Variants in TPGS1 observed in about 807,000 individuals in gnomAD.
TPGS1 encodes the protein tubulin polyglutamylase complex subunit 1.
In TPGS1, 18 loss-of-function variants were observed where a neutral mutation model predicts 11.9. The observed-to-expected ratio is 1.51, with a 90% CI of 1.04 to 2.24. The LOEUF (loss-of-function observed/expected upper bound fraction) is 2.24, where lower values mean the gene tolerates loss of function less well. TPGS1 is among the 30% of genes most tolerant of loss of function. The pLI is 0.00. For missense variants in TPGS1, 500 were observed against 443.0 expected, an observed-to-expected ratio of 1.13 and a Z score of -1.16; for synonymous variants, 247 against 218.2, an observed-to-expected ratio of 1.13 and a Z score of -1.16.
intron 1 of TPGS1, among the ~76,000 whole-genome samples, chr19:512,754 T>TC (rs912004362): frequency 2.6e-5 from 4 of 152,076 alleles, no homozygotes; most frequent in Non-Finnish European, 5.9e-5. Flanking sequence ...TGCCGTCCCT[T>TC]CCCCCTGCAC....
chr19:507,756 G>T lies in TPGS1; in HGVS notation c.250G>T (p.Ala84Ser). 1 of 1,396,396 alleles carries T rather than the reference G, an allele frequency of 7.2e-7. No individual in the cohort carries two copies. 86.5% of individuals were successfully genotyped at this position (1,396,396 alleles called of 1,614,324 possible). The change falls in exon 1 of 2, where the codon GCC (alanine) becomes TCC (serine). Residue 84 changes from alanine (A) to serine (S), a missense_variant. By Grantham distance (99) the Ala-to-Ser change is moderately conservative. Transcript: ENST00000359315. ...CCTGCGCTCGCCTGTAAACGGCGGC[G>T]CCGGGGAGCCCCCGGGCCAGCTCCT... ...MGLRSPVNGGAGEPPGQLLLQ... is the reference protein window; with the variant it reads ...MGLRSPVNGGSGEPPGQLLLQ...
At chr19:509,702 G>C (rs1370570060) in intron 1 of TPGS1, 2 of 152,342 alleles carry the variant, frequency 1.3e-5, no homozygotes, top group Non-Finnish European at 2.9e-5. Context: ...CCCTACTCCA[G>C]TGTGACCTCA....
At chr19:516,026 C>T (rs1262211743) in intron 1 of TPGS1, among the ~76,000 whole-genome samples, 4 of 139,276 alleles carry the variant, frequency 2.9e-5, no homozygotes, top group Admixed American at 2.2e-4. Flanking sequence ...AGCGAGACTC[C>T]GTCTCAAAAA....
At chr19:513,090 G>A (rs542535807) in intron 1 of TPGS1, among the ~76,000 whole-genome samples, 1 of 152,300 alleles carries the variant, frequency 6.6e-6, no homozygotes, top group Non-Finnish European at 1.5e-5. Flanking sequence ...TGTTGGTTTT[G>A]GGCCTCTAGG....
At chr19:510,767 GC>G (rs959810595) in intron 1 of TPGS1, among the ~76,000 whole-genome samples, 4 of 152,320 alleles carry the variant, frequency 2.6e-5, no homozygotes, top group African/African-American at 7.2e-5. Context: ...GGGCTGCACT[GC>G]CCCCTGCAGG....
intron 1 of TPGS1, among the ~76,000 whole-genome samples, chr19:512,896 G>A (rs1387719121): frequency 2.0e-5 from 3 of 152,204 alleles, no homozygotes; most frequent in Non-Finnish European, 4.4e-5. Flanking sequence ...CGGTGGGGTC[G>A]CTCGCGCAGC....
chr19:513,662 T>TGC (rs1978867913), intron 1 of TPGS1, among the ~76,000 whole-genome samples: 2 of 35,980 alleles, frequency 5.6e-5, no homozygotes, highest in South Asian at 1.1e-3. Flanking sequence ...ACCTACTGCA[T>TGC]ACTGGCCCTG....
chr19:519,538 CGGA>C lies in TPGS1; in HGVS notation c.*121_*123del. 3.1e-6 allele frequency: 3 copies of C among 979,876 alleles called. No homozygotes were observed. The highest frequency in any genetic ancestry group is 3.8e-6 in the Non-Finnish European group (3 of 780,344). 60.7% of individuals were successfully genotyped at this position (979,876 alleles called of 1,614,324 possible). A position where few individuals can be genotyped will look rare whatever the true frequency, so the allele number is the denominator to read the frequency against. ...TGCCATAACCAGGCGCCCAGCCCTGCGGAGGAGGCCGGGGCTCCCAGGAAGCGG... is the reference window on the plus strand; with the variant it reads ...TGCCATAACCAGGCGCCCAGCCCTGCGGAGGCCGGGGCTCCCAGGAAGCGG... On this transcript the variant is annotated 3_prime_UTR_variant, in exon 2 of 2. Transcript: ENST00000359315.
At chr19:514,212 C>A (rs116450840) in intron 1 of TPGS1, among the ~76,000 whole-genome samples, 2,550 of 146,564 alleles carry the variant, frequency 0.017, 67 homozygotes, top group African/African-American at 0.06. Flanking sequence ...GCATTTACTT[C>A]ACTCCCACTG....
Position 519,220 on chromosome 19 carries a change from A to G in TPGS1, c.670A>G (p.Thr224Ala). The G allele has an allele frequency of 2.2e-6, 3 of 1,382,690 alleles. No individual in the cohort carries two copies. Among genetic ancestry groups the G allele is most frequent in the Non-Finnish European group, 2.8e-6 (3 of 1,075,622 alleles). 85.7% of individuals were successfully genotyped at this position (1,382,690 alleles called of 1,614,324 possible). Reference sequence around the variant, plus strand: ...CCGCGTGGGCCAGGCCGTGCTGGACACCCTGGAGGGCGCGCTGCAGGCCAG... The same window carrying G: ...CCGCGTGGGCCAGGCCGTGCTGGACGCCCTGGAGGGCGCGCTGCAGGCCAG... ...DRRVGQAVLD[T>A]LEGALQASDA... Residue 224 changes from threonine (T) to alanine (A), a missense_variant, in exon 2 of 2, where the codon ACC (threonine) becomes GCC (alanine). By Grantham distance (58) the Thr-to-Ala change is moderately conservative. Transcript: ENST00000359315.
chr19:516,727 T>G (rs1263122521), intron 1 of TPGS1, among the ~76,000 whole-genome samples: 3 of 152,148 alleles, frequency 2.0e-5, no homozygotes, highest in African/African-American at 7.2e-5. Context: ...CAACCTAAAC[T>G]TATCGGTTTT....
At chr19:514,937 C>T (rs1405807747) in intron 1 of TPGS1, among the ~76,000 whole-genome samples, 1 of 152,212 alleles carries the variant, frequency 6.6e-6, no homozygotes, top group Non-Finnish European at 1.5e-5. Context: ...TACCAGCACA[C>T]GAGTGGCACG....
chr19:511,353 G>A (rs958263666), intron 1 of TPGS1, among the ~76,000 whole-genome samples: 32 of 152,378 alleles, frequency 2.1e-4, no homozygotes, highest in African/African-American at 7.5e-4. Flanking sequence ...GTCTCCTGCC[G>A]TCATCATGGC....
At chr19:507,920 C>T (rs1260298632) in intron 1 of TPGS1, 76 bp downstream of exon 1, 1 of 1,163,928 alleles carries the variant, frequency 8.6e-7, no homozygotes, top group Non-Finnish European at 1.1e-6. Flanking sequence ...CGGCTCCCTA[C>T]CCGCAGCGCC....
Position 519,490 on chromosome 19 carries a change from T to A in TPGS1, c.*67T>A. 1 of 1,155,344 alleles carries A rather than the reference T, an allele frequency of 8.7e-7. No homozygotes were observed. The highest frequency in any genetic ancestry group is 1.1e-6 in the Non-Finnish European group (1 of 935,038). 71.6% of individuals were successfully genotyped at this position (1,155,344 alleles called of 1,614,324 possible). A position where few individuals can be genotyped will look rare whatever the true frequency, so the allele number is the denominator to read the frequency against. On this transcript the variant is annotated 3_prime_UTR_variant, in exon 2 of 2. Coordinates refer to ENST00000359315, the MANE Select transcript of TPGS1 (RefSeq NM_033513.3). ...CCCCGCGTGCGGGGCGCGCGGAGCC[T>A]TCCCTTCGCCCTGGTGAGGCCCTGC...
chr19:511,513 A>G (rs1485803998), intron 1 of TPGS1, among the ~76,000 whole-genome samples: 2 of 152,250 alleles, frequency 1.3e-5, no homozygotes, highest in Admixed American at 6.5e-5. Context: ...ACCTGGCTCC[A>G]GCCCCGTTCT....
chr19:519,376 G>A lies in TPGS1; in HGVS notation c.826G>A (p.Glu276Lys). Residue 276 changes from glutamate (E) to lysine (K), a missense_variant, in exon 2 of 2, where the codon GAG becomes AAG. Coordinates refer to ENST00000359315, the MANE Select transcript of TPGS1 (RefSeq NM_033513.3). ...SAPMTREEFL[E>K]RAAALFIAKV... is the part of the protein sequence containing the mutation. ...GCCCATGACCCGCGAGGAGTTTCTG[G>A]AGAGGGCCGCCGCGCTCTTCATCGC... 1.6e-6 allele frequency: 2 copies of A among 1,222,054 alleles called. No homozygotes were observed. 75.7% of individuals were successfully genotyped at this position (1,222,054 alleles called of 1,614,324 possible).
At chr19:515,095 G>A (rs960243761) in intron 1 of TPGS1, among the ~76,000 whole-genome samples, 1 of 152,230 alleles carries the variant, frequency 6.6e-6, no homozygotes, top group Admixed American at 6.5e-5. Context: ...CAGCTCTACG[G>A]TTCTGGTCGG....
chr19:515,662 C>G (rs577898619), intron 1 of TPGS1, among the ~76,000 whole-genome samples: 1 of 151,946 alleles, frequency 6.6e-6, no homozygotes, highest in Non-Finnish European at 1.5e-5. Context: ...CGCTTGAACC[C>G]GGGAGGTGGA....
Sources: gnomAD v4.1 joint callset for allele counts (sites outside exome capture counted in the v4.1 genomes callset) on GRCh38, gnomAD v4.1.1 for gene constraint, MANE v1.5 for transcripts, NCBI Gene and HGNC (gene_info 2026-07-23, HGNC 2026-07-21) for gene names.